Variants in KLHDC10 observed in about 807,000 individuals in gnomAD.
KLHDC10 encodes kelch domain containing 10.
In KLHDC10, 24 loss-of-function variants were observed where a neutral mutation model predicts 56.1. The ratio of observed to expected loss-of-function variants is 0.43; its 90% CI spans 0.31 to 0.60. The LOEUF (loss-of-function observed/expected upper bound fraction) is 0.60. KLHDC10 is among the 20% of genes least tolerant of loss of function. The probability of loss-of-function intolerance (pLI) is 0.11; values close to 1 mark genes in which losing one functional copy is unlikely to be tolerated. For missense variants in KLHDC10, 349 were observed against 567.0 expected, an observed-to-expected ratio of 0.62 and a Z score of 3.91; for synonymous variants, 188 against 207.1, an observed-to-expected ratio of 0.91 and a Z score of 0.79.
At chr7:130,112,031 A>C (rs1198585931) in intron 2 of KLHDC10, among the ~76,000 whole-genome samples, 1 of 152,178 alleles carries the variant, frequency 6.6e-6, no homozygotes, top group Non-Finnish European at 1.5e-5. Context: ...ATCTATTAAA[A>C]ATTTTTTGTT....
rs1187643785 is a variant in KLHDC10 at position 130,108,045 on chromosome 7, G to A, written c.254-8400G>A. ...AAAACAAAACAAAAAACCCTTCCCCGGGAAAAAAAAAACAAAAAACAAAAC... is the reference window on the plus strand; with the variant it reads ...AAAACAAAACAAAAAACCCTTCCCCAGGAAAAAAAAAACAAAAAACAAAAC... On this transcript the variant is annotated intron_variant, in intron 2 of 9. Coordinates refer to ENST00000335420, the MANE Select transcript of KLHDC10 (RefSeq NM_014997.4). Among the ~76,000 whole-genome samples the A allele has an allele frequency of 5.3e-5, 8 of 149,778 alleles. No homozygotes were observed. In the South Asian group the frequency reaches 1.7e-3, roughly 32 times the overall value.
chr7:130,072,173 C>A (rs1038020266), intron 1 of KLHDC10, among the ~76,000 whole-genome samples: 1 of 152,200 alleles, frequency 6.6e-6, no homozygotes, highest in East Asian at 1.9e-4. Context: ...TGTGTATTGG[C>A]AGCTTAGAAG....
In KLHDC10 at chr7:130,130,338, A is replaced by ATG. The variant is rs1796383189; in HGVS notation, c.1120-198_1120-197insGT. Among the ~76,000 whole-genome samples the ATG allele has an allele frequency of 3.0e-4, 1 of 3,330 alleles. No individual in the cohort carries two copies. The highest frequency in any genetic ancestry group is 8.9e-4 in the Non-Finnish European group (1 of 1,118). 2.2% of individuals were successfully genotyped at this position (3,330 alleles called of 152,430 possible). A position where few individuals can be genotyped will look rare whatever the true frequency, so the allele number is the denominator to read the frequency against. On this transcript the variant is annotated intron_variant, in intron 9 of 9. Coordinates refer to ENST00000335420, the MANE Select transcript of KLHDC10 (RefSeq NM_014997.4). This position sits in a 1 kb window ranked among gnomAD's most constrained non-coding sequence, Gnocchi z 4.2. ...CTCTGTCTCAAAAAAAAAAAAAATCATATATATATATATATAGTTTTTCCC... is the reference window on the plus strand; with the variant it reads ...CTCTGTCTCAAAAAAAAAAAAAATCATGTATATATATATATATAGTTTTTCCC...
chr7:130,105,240 A>C (rs1440985084), intron 2 of KLHDC10, among the ~76,000 whole-genome samples: 1 of 152,238 alleles, frequency 6.6e-6, no homozygotes, highest in Non-Finnish European at 1.5e-5. Context: ...AGATTCAGAA[A>C]TTCCATGTTT....
chr7:130,095,898 T>C (rs1459950661), intron 1 of KLHDC10, among the ~76,000 whole-genome samples: 2 of 152,196 alleles, frequency 1.3e-5, no homozygotes, highest in East Asian at 1.9e-4. Context: ...ATTATGATGA[T>C]ACTATCTTCT....
intron 1 of KLHDC10, among the ~76,000 whole-genome samples, chr7:130,071,011 C>G (rs984696508): frequency 6.6e-6 from 1 of 152,208 alleles, no homozygotes. Context: ...TATCTGTGCT[C>G]TGTTGAAAGC....
chr7:130,131,822 A>G lies in KLHDC10; in HGVS notation c.*1076A>G, dbSNP rs934286774. ...CTAATCTCTGGGCCAGGTACCTGCC[A>G]TTTTCTCAGGCAGTTGGTCCTTGAT... On this transcript the variant is annotated 3_prime_UTR_variant, in exon 10 of 10. Coordinates refer to ENST00000335420, the MANE Select transcript of KLHDC10 (RefSeq NM_014997.4). The G allele has an allele frequency of 6.6e-6, 1 of 151,888 alleles. No individual in the cohort carries two copies. The highest frequency in any genetic ancestry group is 1.5e-5 in the Non-Finnish European group (1 of 67,990). 9.4% of individuals were successfully genotyped at this position (151,888 alleles called of 1,614,324 possible).
chr7:130,085,470 C>G (rs1795674580), intron 1 of KLHDC10, among the ~76,000 whole-genome samples: 1 of 151,714 alleles, frequency 6.6e-6, no homozygotes, highest in Non-Finnish European at 1.5e-5. Context: ...TCATAAGAGT[C>G]AAGAGAAAAA....
intron 1 of KLHDC10, among the ~76,000 whole-genome samples, chr7:130,071,054 G>T (rs1260282300): frequency 6.6e-6 from 1 of 152,194 alleles, no homozygotes; most frequent in Non-Finnish European, 1.5e-5. Flanking sequence ...CTTTTCAAAG[G>T]AGAGGCCACT....
chr7:130,102,533 G>C (rs1037076391), intron 2 of KLHDC10, among the ~76,000 whole-genome samples: 10 of 152,258 alleles, frequency 6.6e-5, no homozygotes, highest in South Asian at 4.1e-4. Context: ...TAAAAAAACA[G>C]CTTCCTGGCT....
At chr7:130,078,052 C>T (rs1187356477) in intron 1 of KLHDC10, among the ~76,000 whole-genome samples, 1 of 151,598 alleles carries the variant, frequency 6.6e-6, no homozygotes, top group Admixed American at 6.6e-5. Context: ...ATTTTATCTT[C>T]TCCTTTTCAT....
At chr7:130,082,785 A>G (rs1056213314) in intron 1 of KLHDC10, among the ~76,000 whole-genome samples, 2 of 152,056 alleles carry the variant, frequency 1.3e-5, no homozygotes, top group Admixed American at 6.6e-5. Context: ...CTAATTGCTA[A>G]CTCCAGTAGA....
At position 130,132,472 on chromosome 7, in the gene KLHDC10, C is replaced by T. The variant is rs1465100534; in HGVS notation, c.*1726C>T. ...GATTTCTAGGCCTTATCATACCATC[C>T]CCTCTGTGATGGGTTGAGTTCATGG... is the stretch of plus-strand genomic sequence containing the variant. On this transcript the variant is annotated 3_prime_UTR_variant, in exon 10 of 10. Transcript: ENST00000335420. 6.6e-6 allele frequency: 1 copy of T among 152,114 alleles called. No individual in the cohort carries two copies. The highest frequency in any genetic ancestry group is 1.5e-5 in the Non-Finnish European group (1 of 68,028). 9.4% of individuals were successfully genotyped at this position (152,114 alleles called of 1,614,324 possible).
intron 2 of KLHDC10, among the ~76,000 whole-genome samples, chr7:130,098,114 A>G (rs1795876552): frequency 6.6e-6 from 1 of 152,020 alleles, no homozygotes; most frequent in Admixed American, 6.6e-5. Flanking sequence ...TGAGCTCCAG[A>G]GCATGCATAA....
Position 130,133,127 on chromosome 7 carries a change from T to C in KLHDC10, c.*2381T>C, listed in dbSNP as rs1796422533. ...TAATATAACACTAGTAAAAATGACATGGTATGACCAGCACTGAGTGCTATA... is the reference window on the plus strand; with the variant it reads ...TAATATAACACTAGTAAAAATGACACGGTATGACCAGCACTGAGTGCTATA... On this transcript the variant is annotated 3_prime_UTR_variant, in exon 10 of 10. Transcript: ENST00000335420. 6.6e-6 allele frequency: 1 copy of C among 152,258 alleles called. No individual in the cohort carries two copies. The highest frequency in any genetic ancestry group is 6.5e-5 in the Admixed American group (1 of 15,292). 9.4% of individuals were successfully genotyped at this position (152,258 alleles called of 1,614,324 possible).
intron 2 of KLHDC10, among the ~76,000 whole-genome samples, chr7:130,104,844 T>C (rs72607763): frequency 0.15 from 22,712 of 152,170 alleles, 2,001 homozygotes; most frequent in East Asian, 0.31. Context: ...AAAGCATTCA[T>C]GAGAACTTCG....
chr7:130,108,572 A>AAAT (rs1405437913), intron 2 of KLHDC10, among the ~76,000 whole-genome samples: 1 of 144,008 alleles, frequency 6.9e-6, no homozygotes. Flanking sequence ...AAAAAAAAAA[A>AAAT]AGCTGGGCGT....
At chr7:130,121,212 C>G (rs1303966053) in intron 4 of KLHDC10, among the ~76,000 whole-genome samples, 9 of 152,078 alleles carry the variant, frequency 5.9e-5, no homozygotes, top group Admixed American at 5.9e-4. Context: ...CTACCCTCAC[C>G]CCCCGTGAGA....
intron 6 of KLHDC10, among the ~76,000 whole-genome samples, chr7:130,124,754 AT>A (rs1796292542): frequency 6.6e-6 from 1 of 152,226 alleles, no homozygotes; most frequent in African/African-American, 2.4e-5. Flanking sequence ...AAAATACTTT[AT>A]AAAAATTATC....
Sources: allele counts gnomAD v4.1 joint callset (sites outside exome capture counted in the v4.1 genomes callset), GRCh38; gene constraint gnomAD v4.1.1; non-coding constraint Gnocchi (gnomAD v3.1); transcripts MANE v1.5; gene names NCBI Gene and HGNC (gene_info 2026-07-23, HGNC 2026-07-21).